The following MAGI1 variants were observed in gnomAD, a reference collection of about 807,000 sequenced individuals.
MAGI1 encodes membrane associated guanylate kinase, WW and PDZ domain containing 1.
A neutral mutation model predicts 139.9 loss-of-function variants in MAGI1; 58 were observed. That is an observed-to-expected ratio of 0.41 (90% CI 0.34 to 0.52). The LOEUF (loss-of-function observed/expected upper bound fraction) is 0.52, where lower values mean the gene tolerates loss of function less well. Among genes scored for constraint, MAGI1 ranks in the 20% least tolerant of loss-of-function variants. MAGI1 has a pLI of 0.12. For missense variants in MAGI1, 1,874 were observed against 1,901.6 expected (o/e 0.99, Z 0.27); for synonymous variants, 812 against 737.9 (o/e 1.10, Z -1.63).
chr3:65,806,593 C>G (rs889716119), intron 1 of MAGI1, among the ~76,000 whole-genome samples: 9 of 152,222 alleles, frequency 5.9e-5, no homozygotes, highest in African/African-American at 2.2e-4. Flanking sequence ...ATCTCGGAAA[C>G]TTCTCTGGCT....
At chr3:65,648,290 C>CGTGTGT (rs35122002) in intron 1 of MAGI1, among the ~76,000 whole-genome samples, 7,681 of 146,688 alleles carry the variant, frequency 0.052, 337 homozygotes, top group East Asian at 0.19. Context: ...TACTACAGGC[C>CGTGTGT]GTGTGTGTGT....
At position 66,038,505 on chromosome 3, in the gene MAGI1, C is replaced by CCCCGCGAGCCCCGCACAGGCG; in HGVS notation, c.-218_-198dup. The CCCCGCGAGCCCCGCACAGGCG allele has an allele frequency of 1.4e-6, 1 of 706,112 alleles. No homozygotes were observed. The highest frequency in any genetic ancestry group is 2.1e-6 in the Non-Finnish European group (1 of 475,064). The allele number at this position is 706,112 out of a possible 1,614,324, so 43.7% of individuals were successfully genotyped here. A position where few individuals can be genotyped will look rare whatever the true frequency, so the allele number is the denominator to read the frequency against. On this transcript the variant is annotated 5_prime_UTR_variant, in exon 1 of 23. Transcript: ENST00000402939. ...ATCATAAAACAAACTTTCTGGGCTT[C>CCCCGCGAGCCCCGCACAGGCG]CCCGCGAGCCCCGCACAGGCGCCCG...
chr3:65,570,053 CTTCT>C (rs1176093369), intron 2 of MAGI1, among the ~76,000 whole-genome samples: 7 of 145,376 alleles, frequency 4.8e-5, no homozygotes, highest in East Asian at 2.0e-4. Context: ...TCCTACAGTG[CTTCT>C]TTCTTTCTTT....
Position 65,812,464 on chromosome 3 carries a change from T to TCACACACACA in MAGI1, c.314-190377_314-190376insTGTGTGTGTG, listed in dbSNP as rs1266501515. 3.5e-3 allele frequency among the ~76,000 whole-genome samples: 327 copies of TCACACACACA among 93,740 alleles called. 1 individual carries two copies. The highest frequency in any genetic ancestry group is 0.011 in the African/African-American group (308 of 27,974). The allele number at this position is 93,740 out of a possible 152,430, so 61.5% of individuals were successfully genotyped here. On this transcript the variant is annotated intron_variant, in intron 1 of 22. Transcript: ENST00000402939. ...CTCTCTTTCTCTCTCTCTCTCTCTC[T>TCACACACACA]CTCTCACACACACACACACACACAC...
At chr3:65,975,424 A>T (rs897750970) in intron 1 of MAGI1, among the ~76,000 whole-genome samples, 4 of 152,240 alleles carry the variant, frequency 2.6e-5, no homozygotes, top group Admixed American at 2.6e-4. Flanking sequence ...TTAAGAAAAT[A>T]CTTTCTAGAA....
intron 1 of MAGI1, among the ~76,000 whole-genome samples, chr3:65,848,578 TC>T (rs1371823152): frequency 1.1e-5 from 1 of 87,846 alleles, no homozygotes; most frequent in Non-Finnish European, 2.0e-5. Context: ...TAAGTTGTAT[TC>T]TTTTTTTTTT....
chr3:65,622,726 G>T (rs1402756902), intron 1 of MAGI1, among the ~76,000 whole-genome samples: 3 of 151,886 alleles, frequency 2.0e-5, no homozygotes, highest in Non-Finnish European at 4.4e-5. Context: ...ACTACACCTA[G>T]CTAATTTATA....
At chr3:65,924,536 C>T (rs2062395897) in intron 1 of MAGI1, among the ~76,000 whole-genome samples, 1 of 152,166 alleles carries the variant, frequency 6.6e-6, no homozygotes. Flanking sequence ...TCAGAATGCT[C>T]AAACAATATG....
At chr3:65,642,774 G>C (rs1002909365) in intron 1 of MAGI1, among the ~76,000 whole-genome samples, 1 of 152,148 alleles carries the variant, frequency 6.6e-6, no homozygotes, top group African/African-American at 2.4e-5. Flanking sequence ...TTTTTAAAAA[G>C]TGCCTTATAT....
chr3:65,697,054 C>A (rs1217825996), intron 1 of MAGI1, among the ~76,000 whole-genome samples: 1 of 152,128 alleles, frequency 6.6e-6, no homozygotes, highest in Non-Finnish European at 1.5e-5. Flanking sequence ...CACCACCAAT[C>A]CCACAGAAAT....
Position 65,962,413 on chromosome 3 carries a change from G to A in MAGI1, c.313+75583C>T, listed in dbSNP as rs188226191. On this transcript the variant is annotated intron_variant, in intron 1 of 22. Coordinates refer to ENST00000402939, the MANE Select transcript of MAGI1 (RefSeq NM_001033057.2). ...TAGGATTACAGGCGTGAGCCACCGCGCCCGGCCTCTGAATTGTATTTTTCA... is the reference window on the plus strand; with the variant it reads ...TAGGATTACAGGCGTGAGCCACCGCACCCGGCCTCTGAATTGTATTTTTCA... Among the ~76,000 whole-genome samples, 147 of 151,818 alleles carry A rather than the reference G, an allele frequency of 9.7e-4. 1 individual carries two copies. The highest frequency in any genetic ancestry group is 3.4e-3 in the African/African-American group (142 of 41,406).
chr3:65,477,750 T>C (rs1256966279), intron 4 of MAGI1, among the ~76,000 whole-genome samples: 1 of 150,558 alleles, frequency 6.6e-6, no homozygotes, highest in African/African-American at 2.4e-5. Flanking sequence ...GACAGAGTCT[T>C]GTTCTGTCAC....
chr3:65,727,793 A>G (rs2033773831), intron 1 of MAGI1, among the ~76,000 whole-genome samples: 1 of 152,234 alleles, frequency 6.6e-6, no homozygotes, highest in African/African-American at 2.4e-5. Flanking sequence ...TGGATCAACA[A>G]GGTAGGCAAG....
rs569583449 is a variant in MAGI1, at chr3:65,967,460, C to T, written c.313+70536G>A. 9.1e-4 allele frequency among the ~76,000 whole-genome samples: 138 copies of T among 152,250 alleles called. 2 individuals are homozygous for T. The highest frequency in any genetic ancestry group is 3.2e-3 in the African/African-American group (131 of 41,544). ...GGATTTCCCCACCCCGACCTGCCTC[C>T]CCTCCAAAAAGTAACCCAGTTAAAA... On this transcript the variant is annotated intron_variant, in intron 1 of 22. Transcript: ENST00000402939.
chr3:65,519,996 C>T (rs2078080196), intron 2 of MAGI1, among the ~76,000 whole-genome samples: 1 of 152,114 alleles, frequency 6.6e-6, no homozygotes, highest in Admixed American at 6.5e-5. Context: ...AACATAACTG[C>T]CTCACTCGGA....
chr3:65,691,307 A>AAAAAAAAAAAAAAG (rs1388046202), intron 1 of MAGI1, among the ~76,000 whole-genome samples: 5 of 133,654 alleles, frequency 3.7e-5, no homozygotes, highest in African/African-American at 2.6e-5. Context: ...CGTCTCAAAA[A>AAAAAAAAAAAAAAG]AAAAAAAAGA....
chr3:66,023,966 T>C (rs1271361231), intron 1 of MAGI1, among the ~76,000 whole-genome samples: 1 of 152,140 alleles, frequency 6.6e-6, no homozygotes, highest in Non-Finnish European at 1.5e-5. Context: ...TCTTCATAAC[T>C]TGAATTGGAA....
At chr3:65,498,922 A>G (rs2076976993) in intron 2 of MAGI1, 5 of 792,746 alleles carry the variant, frequency 6.3e-6, no homozygotes, top group Non-Finnish European at 6.1e-6. Flanking sequence ...GCTCTCAACC[A>G]TGAGAATATC....
At chr3:65,883,075 T>C (rs2060397229) in intron 1 of MAGI1, among the ~76,000 whole-genome samples, 1 of 152,176 alleles carries the variant, frequency 6.6e-6, no homozygotes, top group South Asian at 2.1e-4. Flanking sequence ...ATACACCCAT[T>C]TATCTCCCCA....
Sources: allele counts gnomAD v4.1 joint callset (sites outside exome capture counted in the v4.1 genomes callset), GRCh38; gene constraint gnomAD v4.1.1; transcripts MANE v1.5; gene names NCBI Gene and HGNC (gene_info 2026-07-23, HGNC 2026-07-21).